SYCP2: variants seen among roughly 807,000 people sequenced by gnomAD.
SYCP2 encodes the protein synaptonemal complex lateral element protein.
SYCP2 carries 55 observed loss-of-function variants against 211.3 expected under a neutral mutation model. That is an observed-to-expected ratio of 0.26 (90% CI 0.21 to 0.33). SYCP2 has a LOEUF of 0.33. Ranked by LOEUF, SYCP2 falls within the 10% of genes least tolerant of loss-of-function variation. The pLI is 1.00. For missense variants in SYCP2, 1,731 were observed against 1,752.0 expected (o/e 0.99, Z 0.21); for synonymous variants, 570 against 555.2 (o/e 1.03, Z -0.37).
At position 59,915,144 on chromosome 20, in the gene SYCP2, A is replaced by G. The variant is rs764896653; in HGVS notation, c.634+21T>C. The G allele has an allele frequency of 4.0e-6, 6 of 1,484,958 alleles. No individual in the cohort carries two copies. The South Asian group carries it at 5.8e-5, about 14-fold the overall frequency. The allele number at this position is 1,484,958 out of a possible 1,614,324, so 92.0% of individuals were successfully genotyped here. A position where few individuals can be genotyped will look rare whatever the true frequency, so the allele number is the denominator to read the frequency against. On this transcript the variant is annotated intron_variant, in intron 10 of 44. Transcript: ENST00000357552. ...ATTCATAAATATGGAATAATTTTAG[A>G]TTTGGAAAAGACATACTTACCTCCA...
chr20:59,902,234 A>T (rs1051837704), intron 15 of SYCP2, among the ~76,000 whole-genome samples: 5 of 152,182 alleles, frequency 3.3e-5, no homozygotes, highest in African/African-American at 1.2e-4. Flanking sequence ...CAGTTGTTAT[A>T]ACATGCTGAC....
chr20:59,925,608 T>C (rs1053772944), intron 2 of SYCP2, among the ~76,000 whole-genome samples: 2 of 152,070 alleles, frequency 1.3e-5, no homozygotes, highest in Non-Finnish European at 2.9e-5. Flanking sequence ...GCCTATTTAA[T>C]GTCATAGCCT....
chr20:59,927,832 T>A (rs920498656), intron 2 of SYCP2, among the ~76,000 whole-genome samples: 1 of 152,176 alleles, frequency 6.6e-6, no homozygotes, highest in Non-Finnish European at 1.5e-5. Flanking sequence ...TTTGTTTACA[T>A]GAAAACTGAA....
intron 36 of SYCP2, 44 bp from the exon 37 acceptor site, chr20:59,868,969 TTTCAATTCAC>T: frequency 7.1e-7 from 1 of 1,407,662 alleles, no homozygotes; most frequent in Non-Finnish European, 9.9e-7. Context: ...CGTAAATATA[TTTCAATTCAC>T]ATTTTATCAC....
At chr20:59,867,038 AAC>A (rs2059353849) in intron 39 of SYCP2, among the ~76,000 whole-genome samples, 1 of 137,054 alleles carries the variant, frequency 7.3e-6, no homozygotes, top group Non-Finnish European at 1.6e-5. Flanking sequence ...AAAAAAAAGA[AAC>A]AGAAAAAACA....
chr20:59,925,388 A>G (rs556630930), intron 2 of SYCP2, among the ~76,000 whole-genome samples: 3 of 152,206 alleles, frequency 2.0e-5, no homozygotes, highest in African/African-American at 4.8e-5. Context: ...TTCTCAATCC[A>G]TGAGCATAGG....
In SYCP2 at chr20:59,877,463, G is replaced by GTT; in HGVS notation, c.3070_3071dup (p.Asn1024LysfsTer27). On this transcript the variant is annotated frameshift_variant, in exon 33 of 45. Coordinates refer to ENST00000357552, the MANE Select transcript of SYCP2 (RefSeq NM_014258.4). LOFTEE classifies it high-confidence loss of function. ...ATTCTGAATTTGAGAGATCTTTATA[G>GTT]TTTTTTTTTGTTTTGGTTGCTTTTC... 1 of 1,592,964 alleles carries GTT rather than the reference G, an allele frequency of 6.3e-7. No homozygotes were observed. Among genetic ancestry groups the GTT allele is most frequent in the East Asian group, 2.3e-5 (1 of 44,304 alleles).
chr20:59,881,766 TAA>T (rs372383595), intron 28 of SYCP2, among the ~76,000 whole-genome samples, 177 bp downstream of exon 28: 2,866 of 134,810 alleles, frequency 0.021, 41 homozygotes, highest in Middle Eastern at 0.044. Context: ...AACAAAAATT[TAA>T]AAAAAAAAAA....
intron 7 of SYCP2, among the ~76,000 whole-genome samples, chr20:59,916,778 A>G (rs952221770): frequency 7.2e-5 from 11 of 152,020 alleles, no homozygotes; most frequent in African/African-American, 2.4e-4. Context: ...TGTCTGTACA[A>G]AAATTAGCCG....
intron 14 of SYCP2, among the ~76,000 whole-genome samples, chr20:59,908,071 C>T (rs2060244752): frequency 1.3e-5 from 2 of 152,004 alleles, no homozygotes; most frequent in South Asian, 4.2e-4. Flanking sequence ...ACGGTGAAAC[C>T]CCGTCTCTAC....
At chr20:59,921,768 G>A (rs945325118) in intron 3 of SYCP2, among the ~76,000 whole-genome samples, 26 of 150,814 alleles carry the variant, frequency 1.7e-4, no homozygotes, top group South Asian at 1.0e-3. Flanking sequence ...TTAAAGTAAC[G>A]AACACTTAAA....
Position 59,915,487 on chromosome 20 carries a change from TAG to T in SYCP2, c.575_576del (p.Ser192Ter). ...KMPQDARKIL[S>X]NQEMLILMSS... ...TACATGAGAATTAACATTTCTTGGT[TAG>T]AGAGTATTTTCCGGGCATCTTGAGG... is the stretch of plus-strand genomic sequence containing the variant. On this transcript the variant is annotated frameshift_variant, in exon 9 of 45. Coordinates refer to ENST00000357552, the MANE Select transcript of SYCP2 (RefSeq NM_014258.4). LOFTEE classifies it high-confidence loss of function. 1 of 1,606,770 alleles carries T rather than the reference TAG, an allele frequency of 6.2e-7. No homozygotes were observed.
In SYCP2 at chr20:59,919,912, T is replaced by C. The variant is rs564869591; in HGVS notation, c.298-315A>G. 1.8e-4 allele frequency among the ~76,000 whole-genome samples: 28 copies of C among 151,814 alleles called. No individual in the cohort carries two copies. The South Asian group carries it at 5.8e-3, about 32-fold the overall frequency. On this transcript the variant is annotated intron_variant, in intron 5 of 44. Transcript: ENST00000357552. The stretch of plus-strand genomic sequence containing the variant: ...AAATTATCATCACAATTTAGACCAT[T>C]TTGATATTGTTACTATATGAAAAGT...
Position 59,865,382 on chromosome 20 carries a change from A to C in SYCP2, c.4515+6T>G, listed in dbSNP as rs1311393547. 1 of 1,602,482 alleles carries C rather than the reference A, an allele frequency of 6.2e-7. No individual in the cohort carries two copies. The highest frequency in any genetic ancestry group is 1.7e-5 in the Admixed American group (1 of 58,156). On this transcript the variant is annotated splice_donor_region_variant and intron_variant, in intron 44 of 44. Coordinates refer to ENST00000357552, the MANE Select transcript of SYCP2 (RefSeq NM_014258.4). ...ATTATCCCATTTTCAAACTTAGTTGACTTACCATGTCCTTAAGAAGCCTGT... is the reference window on the plus strand; with the variant it reads ...ATTATCCCATTTTCAAACTTAGTTGCCTTACCATGTCCTTAAGAAGCCTGT...
chr20:59,871,733 A>G (rs1049848994), intron 35 of SYCP2, among the ~76,000 whole-genome samples: 7 of 152,014 alleles, frequency 4.6e-5, no homozygotes, highest in South Asian at 2.1e-4. Context: ...TCCCATATAC[A>G]TAAGTAATCT....
intron 20 of SYCP2, 112 bp from the exon 21 acceptor site, chr20:59,893,705 T>C: frequency 3.1e-6 from 2 of 638,540 alleles, no homozygotes; most frequent in East Asian, 6.0e-5. Context: ...ATATGAAAAG[T>C]TGGATACTAT....
At chr20:59,877,610 A>C in intron 32 of SYCP2, 55 bp from the exon 33 acceptor site, 1 of 1,466,416 alleles carries the variant, frequency 6.8e-7, no homozygotes, top group Non-Finnish European at 9.2e-7. Flanking sequence ...CAAGAAATAC[A>C]AGCAATTTGC....
intron 26 of SYCP2, among the ~76,000 whole-genome samples, chr20:59,884,748 T>TA (rs1389984877): frequency 6.6e-6 from 1 of 151,816 alleles, no homozygotes; most frequent in Non-Finnish European, 1.5e-5. Flanking sequence ...GCAAAGATGT[T>TA]AAAGAAGGTA....
At chr20:59,868,123 T>C (rs187611752) in intron 38 of SYCP2, among the ~76,000 whole-genome samples, 65 of 151,912 alleles carry the variant, frequency 4.3e-4, no homozygotes, top group African/African-American at 1.5e-3. Context: ...TTTTAACTAG[T>C]TCCACATTAT....
Sources: gnomAD v4.1 joint callset for allele counts (sites outside exome capture counted in the v4.1 genomes callset) on GRCh38, gnomAD v4.1.1 for gene constraint, MANE v1.5 for transcripts, NCBI Gene and HGNC (gene_info 2026-07-23, HGNC 2026-07-21) for gene names.